AGXT2: variants seen among roughly 807,000 people sequenced by gnomAD.
AGXT2 encodes alanine--glyoxylate aminotransferase 2, mitochondrial.
AGXT2 carries 61 observed loss-of-function variants against 62.5 expected under a neutral mutation model. The ratio of observed to expected loss-of-function variants is 0.98; its 90% confidence interval spans 0.79 to 1.21. The LOEUF is 1.21. AGXT2 is among the 50% of genes most tolerant of loss of function. The pLI is 0.00. For synonymous variants in AGXT2, 243 were observed against 218.7 expected, an observed-to-expected ratio of 1.11 and a Z score of -0.98; for missense variants, 666 against 641.5, an observed-to-expected ratio of 1.04 and a Z score of -0.41.
chr5:35,014,029 T>TC lies in AGXT2; in HGVS notation c.1053dup (p.Ile352AspfsTer45), dbSNP rs1375802323. 1 of 1,614,122 alleles carries TC rather than the reference T, an allele frequency of 6.2e-7. No individual in the cohort carries two copies. Among genetic ancestry groups the TC allele is most frequent in the Non-Finnish European group, 8.5e-7 (1 of 1,180,012 alleles). ...GCTGCCATGGGAAAGCCATTCCCAATCCCTTTAGCCATGGTGACAATGTCA... is the reference window on the plus strand; with the variant it reads ...GCTGCCATGGGAAAGCCATTCCCAATCCCCTTTAGCCATGGTGACAATGTCA... On this transcript the variant is annotated frameshift_variant, in exon 10 of 14. Coordinates refer to ENST00000231420, the MANE Select transcript of AGXT2 (RefSeq NM_031900.4). LOFTEE classifies it high-confidence loss of function.
intron 13 of AGXT2, among the ~76,000 whole-genome samples, chr5:35,000,270 C>A (rs576124355): frequency 6.6e-6 from 1 of 152,322 alleles, no homozygotes; most frequent in East Asian, 1.9e-4. Flanking sequence ...CCTCTCCTGT[C>A]TCTTTCTTCC....
chr5:35,005,232 G>GTTT (rs886284943), intron 12 of AGXT2, among the ~76,000 whole-genome samples: 6 of 152,004 alleles, frequency 3.9e-5, no homozygotes, highest in Non-Finnish European at 4.4e-5. Flanking sequence ...TGTTGTTGTT[G>GTTT]TTGTTTTGTT....
chr5:35,019,140 C>G (rs344147), intron 9 of AGXT2, among the ~76,000 whole-genome samples: 39,646 of 86,276 alleles, frequency 0.46, 9,402 homozygotes, highest in Middle Eastern at 0.54. Flanking sequence ...CTTTAACACC[C>G]CACTGTCAAC....
intron 9 of AGXT2, among the ~76,000 whole-genome samples, chr5:35,021,555 C>T (rs1406501637): frequency 4.7e-5 from 7 of 150,132 alleles, no homozygotes; most frequent in Admixed American, 2.7e-4. Flanking sequence ...TTCCTTACAC[C>T]TTATACAAAA....
Position 35,033,605 on chromosome 5 carries a change from T to G in AGXT2, c.582-52A>C, listed in dbSNP as rs192101184. The G allele has an allele frequency of 7.3e-5, 103 of 1,407,802 alleles. No homozygotes were observed. The East Asian group carries it at 1.8e-3, about 25-fold the overall frequency. The allele number at this position is 1,407,802 out of a possible 1,614,324, so 87.2% of individuals were successfully genotyped here. ...GGGGTCAAGTTCCTGGTCCACTGAG[T>G]AGGACAAAAGAGAAAACCCAGGAAG... On this transcript the variant is annotated intron_variant, in intron 5 of 13. Transcript: ENST00000231420.
At chr5:35,022,536 A>G (rs964912784) in intron 9 of AGXT2, among the ~76,000 whole-genome samples, 2 of 134,932 alleles carry the variant, frequency 1.5e-5, no homozygotes, top group African/African-American at 5.6e-5. Context: ...GAACACGTGG[A>G]CACAGGAAGG....
At chr5:35,036,906 C>G (rs1424097566) in intron 4 of AGXT2, 36 bp downstream of exon 4, 1 of 1,612,946 alleles carries the variant, frequency 6.2e-7, no homozygotes, top group Admixed American at 1.7e-5. Context: ...TTTTTTTCCC[C>G]CATAACATTC....
At chr5:35,027,224 G>A (rs967258929) in intron 7 of AGXT2, among the ~76,000 whole-genome samples, 23 of 152,174 alleles carry the variant, frequency 1.5e-4, no homozygotes, top group African/African-American at 5.5e-4. Context: ...GCATTAAGAA[G>A]AAAATATTAA....
chr5:35,021,792 C>T (rs1413039965), intron 9 of AGXT2, among the ~76,000 whole-genome samples: 2 of 152,028 alleles, frequency 1.3e-5, no homozygotes, highest in African/African-American at 2.4e-5. Context: ...AGGCAACCTA[C>T]AAAACGGGAG....
chr5:35,007,629 G>A (rs1160217183), intron 12 of AGXT2, among the ~76,000 whole-genome samples: 1 of 152,194 alleles, frequency 6.6e-6, no homozygotes. Context: ...GGATGTAGGA[G>A]CTGGGATTTA....
chr5:35,005,363 G>A (rs1396193581), intron 12 of AGXT2, among the ~76,000 whole-genome samples: 1 of 152,026 alleles, frequency 6.6e-6, no homozygotes, highest in African/African-American at 2.4e-5. Flanking sequence ...CCACTAGCTG[G>A]GATTACAGGC....
intron 13 of AGXT2, among the ~76,000 whole-genome samples, chr5:34,999,839 A>G (rs1766163791): frequency 6.6e-6 from 1 of 152,144 alleles, no homozygotes; most frequent in Non-Finnish European, 1.5e-5. Flanking sequence ...TTTGCTGTTC[A>G]ACTCCAAATT....
intron 12 of AGXT2, among the ~76,000 whole-genome samples, chr5:35,007,741 T>C (rs1248635391): frequency 6.6e-6 from 1 of 152,210 alleles, no homozygotes; most frequent in Non-Finnish European, 1.5e-5. Flanking sequence ...AACCTTGCTA[T>C]AGTTTGGATA....
chr5:35,001,968 T>C (rs2112160547), intron 13 of AGXT2, among the ~76,000 whole-genome samples: 1 of 152,262 alleles, frequency 6.6e-6, no homozygotes, highest in Admixed American at 6.5e-5. Context: ...GCAAAAGTAA[T>C]TGCAGTTTTT....
In AGXT2 at chr5:35,003,749, A is replaced by T. The variant is rs780913602; in HGVS notation, c.1437+14T>A. On this transcript the variant is annotated intron_variant, in intron 13 of 13. Coordinates refer to ENST00000231420, the MANE Select transcript of AGXT2 (RefSeq NM_031900.4). ...CTACCTAGAGCGATAGGTAAAAACC[A>T]GTCTTTCTCTTACCTGAGAAAAAAT... The T allele has an allele frequency of 1.2e-6, 2 of 1,610,060 alleles. No homozygotes were observed. The highest frequency in any genetic ancestry group is 2.7e-5 in the African/African-American group (2 of 74,936).
chr5:35,032,073 C>T (rs1767582283), intron 7 of AGXT2, among the ~76,000 whole-genome samples: 1 of 151,712 alleles, frequency 6.6e-6, no homozygotes, highest in Non-Finnish European at 1.5e-5. Context: ...GAGCCTCAGC[C>T]TCCCGAGTAG....
At position 35,010,045 on chromosome 5, in the gene AGXT2, G is replaced by A; in HGVS notation, c.1293C>T (p.Val431=). 6.2e-7 allele frequency: 1 copy of A among 1,614,194 alleles called. No homozygotes were observed. Among genetic ancestry groups the A allele is most frequent in the Non-Finnish European group, 8.5e-7 (1 of 1,180,032 alleles). ...LRDEFEIVGD[V]RGKGLMIGIE... Reference sequence around the variant, plus strand: ...TGCCTATCATGAGACCTTTGCCTCGGACGTCTCCAACAATTTCAAATTCAT... The same window carrying A: ...TGCCTATCATGAGACCTTTGCCTCGAACGTCTCCAACAATTTCAAATTCAT... Residue 431 remains valine (V), a synonymous_variant, in exon 12 of 14, where the codon GTC becomes GTT. Transcript: ENST00000231420.
Position 35,010,062 on chromosome 5 carries a change from C to T in AGXT2, c.1276G>A (p.Glu426Lys). ...LKFAKLRDEF[E>K]IVGDVRGKGL... ...TTGCCTCGGACGTCTCCAACAATTTCAAATTCATCCCGCAGCTTAGCAAAC... is the reference window on the plus strand; with the variant it reads ...TTGCCTCGGACGTCTCCAACAATTTTAAATTCATCCCGCAGCTTAGCAAAC... The change falls in exon 12 of 14, where the codon GAA (glutamate) becomes AAA (lysine). Residue 426 changes from glutamate (E) to lysine (K), a missense_variant. Glu to Lys is a moderately conservative substitution (Grantham distance 56). Coordinates refer to ENST00000231420, the MANE Select transcript of AGXT2 (RefSeq NM_031900.4). The T allele has an allele frequency of 6.2e-7, 1 of 1,614,240 alleles. No homozygotes were observed. The highest frequency in any genetic ancestry group is 8.5e-7 in the Non-Finnish European group (1 of 1,180,040).
chr5:35,037,109 T>A, intron 3 of AGXT2, 44 bp from the exon 4 acceptor site: 4 of 1,612,446 alleles, frequency 2.5e-6, no homozygotes, highest in Non-Finnish European at 3.4e-6. Flanking sequence ...GCGTGCCACG[T>A]CCCTCCTGCA....
Sources: allele counts gnomAD v4.1 joint callset (sites outside exome capture counted in the v4.1 genomes callset), GRCh38; gene constraint gnomAD v4.1.1; transcripts MANE v1.5; gene names NCBI Gene and HGNC (gene_info 2026-07-23, HGNC 2026-07-21).